CCNG2: variants seen among roughly 807,000 people sequenced by gnomAD.
CCNG2 encodes cyclin-G2.
CCNG2 carries 20 observed loss-of-function variants against 36.5 expected under a neutral mutation model. That is an observed-to-expected ratio of 0.55 (90% confidence interval 0.39 to 0.80). The LOEUF (loss-of-function observed/expected upper bound fraction) is 0.80. Among genes scored for constraint, CCNG2 ranks in the 30% least tolerant of loss-of-function variants. The probability of loss-of-function intolerance (pLI) is 0.00; values close to 1 mark genes in which losing one functional copy is unlikely to be tolerated. For synonymous variants in CCNG2, 155 were observed against 140.1 expected (o/e 1.11, Z -0.75); for missense variants, 358 against 390.8 (o/e 0.92, Z 0.71).
intron 4 of CCNG2, 92 bp from the exon 5 acceptor site, chr4:77,161,388 C>T (rs1451426636): frequency 3.1e-6 from 3 of 966,442 alleles, no homozygotes; most frequent in African/African-American, 3.3e-5. Flanking sequence ...AGGCGTGAGA[C>T]ACCGCGTCTG....
chr4:77,161,190 C>G (rs764107527), intron 4 of CCNG2, among the ~76,000 whole-genome samples: 16 of 149,932 alleles, frequency 1.1e-4, no homozygotes, highest in Non-Finnish European at 7.4e-5. Flanking sequence ...GCAACCTCCA[C>G]TTCCCGGGTT....
At chr4:77,165,652 G>T in intron 7 of CCNG2, 149 bp from the exon 8 acceptor site, 1 of 580,046 alleles carries the variant, frequency 1.7e-6, no homozygotes, top group African/African-American at 1.9e-5. Context: ...ACTTCATTTA[G>T]GAAGTCCTTA....
chr4:77,164,724 A>G (rs1577908119), intron 7 of CCNG2: 1 of 361,782 alleles, frequency 2.8e-6, no homozygotes, highest in East Asian at 5.2e-5. Flanking sequence ...GAGTAGAGAT[A>G]GGGTCTCGCG....
At chr4:77,157,745 C>T (rs554874316) in intron 1 of CCNG2, among the ~76,000 whole-genome samples, 2 of 152,086 alleles carry the variant, frequency 1.3e-5, no homozygotes, top group African/African-American at 4.8e-5. Context: ...CGCCTCGGTG[C>T]CCCCCGCCCC....
At position 77,164,264 on chromosome 4, in the gene CCNG2, T is replaced by G; in HGVS notation, c.706-10T>G. 6.2e-7 allele frequency: 1 copy of G among 1,608,754 alleles called. No individual in the cohort carries two copies. Among genetic ancestry groups the G allele is most frequent in the Admixed American group, 1.7e-5 (1 of 59,934 alleles). The stretch of plus-strand genomic sequence containing the variant: ...CATTGCCGTAACCTCTTAAAATATT[T>G]TTTTTTCAGATTAATGACACTGAGT... On this transcript the variant is annotated splice_polypyrimidine_tract_variant and intron_variant, in intron 6 of 7. Transcript: ENST00000316355.
chr4:77,164,095 A>G (rs1031002019), intron 6 of CCNG2, among the ~76,000 whole-genome samples, 179 bp from the exon 7 acceptor site: 7 of 152,198 alleles, frequency 4.6e-5, no homozygotes, highest in Non-Finnish European at 1.0e-4. Context: ...GGGAACTTAG[A>G]AAACTCTTGA....
chr4:77,161,099 C>CTTTTTTTTTTTTTTTTTTT (rs34505988), intron 4 of CCNG2, 128 bp downstream of exon 4: 1 of 274,600 alleles, frequency 3.6e-6, no homozygotes, highest in African/African-American at 3.2e-5. Context: ...ATTGGTAAAT[C>CTTTTTTTTTTTTTTTTTTT]TTTTTTTTTT....
Position 77,157,523 on chromosome 4 carries a change from A to G in CCNG2, c.-1+17A>G, listed in dbSNP as rs947275099. ...TCCGGCACGGTGAGTGGACCCGCCC[A>G]GGGCCGCCGTGGGTTTCTTTGTTCG... On this transcript the variant is annotated intron_variant, in intron 1 of 7. Transcript: ENST00000316355. The G allele has an allele frequency of 2.0e-5, 3 of 152,424 alleles. No homozygotes were observed. The highest frequency in any genetic ancestry group is 2.9e-5 in the Non-Finnish European group (2 of 68,294). The allele number at this position is 152,424 out of a possible 1,614,324, so 9.4% of individuals were successfully genotyped here.
intron 6 of CCNG2, among the ~76,000 whole-genome samples, chr4:77,162,959 CA>C (rs1160555797): frequency 8.6e-5 from 13 of 151,754 alleles, no homozygotes; most frequent in African/African-American, 2.9e-4. Context: ...CTTGAATGAC[CA>C]AGATTTGTAC....
intron 7 of CCNG2, chr4:77,164,796 C>T (rs4150089): frequency 0.01 from 1,971 of 192,508 alleles, 40 homozygotes; most frequent in African/African-American, 0.043. Flanking sequence ...CCTCAGCCTC[C>T]GAAGTGCTGA....
intron 6 of CCNG2, among the ~76,000 whole-genome samples, chr4:77,161,980 TGTA>T (rs1276017538): frequency 6.6e-6 from 1 of 152,236 alleles, no homozygotes; most frequent in Admixed American, 6.5e-5. Context: ...GTGCCCCTTC[TGTA>T]GTAATCATGC....
intron 4 of CCNG2, among the ~76,000 whole-genome samples, chr4:77,161,189 A>G (rs1253192463): frequency 7.5e-6 from 1 of 133,876 alleles, no homozygotes; most frequent in Non-Finnish European, 1.5e-5. Context: ...TGCAACCTCC[A>G]CTTCCCGGGT....
At chr4:77,158,950 C>T (rs928238898) in intron 2 of CCNG2, among the ~76,000 whole-genome samples, 5 of 152,196 alleles carry the variant, frequency 3.3e-5, no homozygotes, top group Non-Finnish European at 2.9e-5. Context: ...TGGGAGACCC[C>T]GGGTGAATTG....
At chr4:77,158,306 C>G in intron 1 of CCNG2, 1 of 554,386 alleles carries the variant, frequency 1.8e-6, no homozygotes, top group Non-Finnish European at 3.2e-6. Context: ...CGGTCTTACC[C>G]AGCGCTGGCC....
rs1237053473 is a variant in CCNG2 at position 77,169,940 on chromosome 4, T to C, written c.*4016T>C. Reference sequence around the variant, plus strand: ...TATTTATGGTCAAATGGTGATTATCTCTGGTGAGATTACAGGTGATGTTTT... The same window carrying C: ...TATTTATGGTCAAATGGTGATTATCCCTGGTGAGATTACAGGTGATGTTTT... On this transcript the variant is annotated 3_prime_UTR_variant, in exon 8 of 8. Transcript: ENST00000316355. 6.6e-6 allele frequency: 1 copy of C among 152,238 alleles called. No homozygotes were observed. Among genetic ancestry groups the C allele is most frequent in the East Asian group, 1.9e-4 (1 of 5,200 alleles). The allele number at this position is 152,238 out of a possible 1,614,324, so 9.4% of individuals were successfully genotyped here.
intron 7 of CCNG2, among the ~76,000 whole-genome samples, 157 bp from the exon 8 acceptor site, chr4:77,165,644 T>A (rs1171985747): frequency 6.6e-6 from 1 of 152,166 alleles, no homozygotes; most frequent in Non-Finnish European, 1.5e-5. Flanking sequence ...TACTATAGAC[T>A]TCATTTAGGA....
rs756439506 is a variant in CCNG2, at chr4:77,170,043, A to G, written c.*4119A>G. 2 of 152,218 alleles carry G rather than the reference A, an allele frequency of 1.3e-5. No homozygotes were observed. Among genetic ancestry groups the G allele is most frequent in the Non-Finnish European group, 2.9e-5 (2 of 68,052 alleles). The allele number at this position is 152,218 out of a possible 1,614,324, so 9.4% of individuals were successfully genotyped here. A position where few individuals can be genotyped will look rare whatever the true frequency, so the allele number is the denominator to read the frequency against. ...TTATTAGTGTATTAACAGAATAAAG[A>G]ATGAACTTTAAAACACACACGCTGG... On this transcript the variant is annotated 3_prime_UTR_variant, in exon 8 of 8. Transcript: ENST00000316355.
At chr4:77,163,319 T>C (rs1731537141) in intron 6 of CCNG2, among the ~76,000 whole-genome samples, 1 of 151,402 alleles carries the variant, frequency 6.6e-6, no homozygotes, top group African/African-American at 2.4e-5. Flanking sequence ...TTTAAGGAGG[T>C]GGTCAGGAGT....
intron 6 of CCNG2, among the ~76,000 whole-genome samples, chr4:77,163,608 C>T (rs1360969826): frequency 2.6e-5 from 4 of 152,146 alleles, no homozygotes; most frequent in Non-Finnish European, 4.4e-5. Flanking sequence ...ATAGTGATAG[C>T]TGGAACCATC....
Sources: allele counts gnomAD v4.1 joint callset (sites outside exome capture counted in the v4.1 genomes callset), GRCh38; gene constraint gnomAD v4.1.1; transcripts MANE v1.5; gene names NCBI Gene and HGNC (gene_info 2026-07-23, HGNC 2026-07-21).